The following LTBP1 variants were observed in gnomAD, a reference collection of about 807,000 sequenced individuals.
LTBP1 encodes latent transforming growth factor beta binding protein 1, also known as latent-transforming growth factor beta-binding protein 1.
LTBP1 carries 129 observed loss-of-function variants against 207.6 expected under a neutral mutation model. That is an observed-to-expected ratio of 0.62 (90% confidence interval 0.54 to 0.72). The LOEUF is 0.72. Ranked by LOEUF, LTBP1 falls within the 30% of genes least tolerant of loss-of-function variation. LTBP1 has a pLI of 0.00. For missense variants in LTBP1, 2,281 were observed against 2,217.2 expected (o/e 1.03, Z -0.58); for synonymous variants, 963 against 833.7 (o/e 1.16, Z -2.67).
chr2:33,240,645 C>CTTTTTTTTTTTTTTTTTTTTTTTTT, intron 9 of LTBP1, among the ~76,000 whole-genome samples: 1 of 100,818 alleles, frequency 9.9e-6, no homozygotes. Context: ...TGGAAACATT[C>CTTTTTTTTTTTTTTTTTTTTTTTTT]TTTTTTTTTT....
At chr2:33,120,805 C>A (rs1200321078) in intron 4 of LTBP1, among the ~76,000 whole-genome samples, 1 of 152,176 alleles carries the variant, frequency 6.6e-6, no homozygotes, top group Admixed American at 6.5e-5. Context: ...TTTATACTCC[C>A]ACCAGCAGTG....
At chr2:33,323,908 G>T (rs1424064424) in intron 24 of LTBP1, among the ~76,000 whole-genome samples, 1 of 152,056 alleles carries the variant, frequency 6.6e-6, no homozygotes, top group East Asian at 1.9e-4. Context: ...AGTTATGCTG[G>T]TGAGTTTGGC....
intron 24 of LTBP1, among the ~76,000 whole-genome samples, chr2:33,339,175 G>A (rs1376853841): frequency 1.3e-5 from 2 of 152,080 alleles, no homozygotes; most frequent in East Asian, 3.9e-4. Context: ...TAAGATTTCT[G>A]GCTTGGGTGA....
chr2:32,972,066 G>GT (rs1347157996), intron 2 of LTBP1, among the ~76,000 whole-genome samples: 1 of 148,896 alleles, frequency 6.7e-6, no homozygotes, highest in African/African-American at 2.5e-5. Context: ...TTTCTTGTAG[G>GT]TTTTCTAGTT....
intron 24 of LTBP1, among the ~76,000 whole-genome samples, chr2:33,333,425 T>C (rs2094519685): frequency 6.6e-6 from 1 of 152,176 alleles, no homozygotes; most frequent in South Asian, 2.1e-4. Flanking sequence ...TTATAATAGC[T>C]CAGGCCACAC....
intron 31 of LTBP1, among the ~76,000 whole-genome samples, chr2:33,385,497 A>G (rs1043321694): frequency 1.3e-5 from 2 of 152,228 alleles, no homozygotes; most frequent in African/African-American, 4.8e-5. Context: ...TGATGCTTCA[A>G]ATTTTTAAAA....
intron 13 of LTBP1, 115 bp from the exon 14 acceptor site, chr2:33,262,607 C>G: frequency 4.9e-6 from 2 of 406,550 alleles, no homozygotes; most frequent in Admixed American, 8.4e-5. Flanking sequence ...TATTTCTTTG[C>G]CTTTCTAAGA....
chr2:33,235,344 A>G (rs2091990059), intron 9 of LTBP1, among the ~76,000 whole-genome samples: 1 of 152,226 alleles, frequency 6.6e-6, no homozygotes, highest in Non-Finnish European at 1.5e-5. Flanking sequence ...TCAAAACCAC[A>G]ATGAGATACC....
intron 2 of LTBP1, among the ~76,000 whole-genome samples, chr2:33,007,478 T>C (rs1023425318): frequency 6.6e-6 from 1 of 152,246 alleles, no homozygotes; most frequent in Non-Finnish European, 1.5e-5. Flanking sequence ...TTTGGAAATA[T>C]GAGCCTTGAG....
intron 32 of LTBP1, among the ~76,000 whole-genome samples, chr2:33,393,117 G>A (rs1173864416): frequency 6.6e-6 from 1 of 151,858 alleles, no homozygotes; most frequent in East Asian, 1.9e-4. Flanking sequence ...CATGTCATGG[G>A]GGTTAGTGGT....
In LTBP1 at chr2:32,984,934, A is replaced by G. The variant is rs979772046; in HGVS notation, c.566-35975A>G. ...CGAGAAGAGTGAGACTCTGTTTCAA[A>G]AAAACAAAACAAAACAAAACAAAAC... On this transcript the variant is annotated intron_variant, in intron 2 of 33. Coordinates refer to ENST00000404816, the MANE Select transcript of LTBP1 (RefSeq NM_206943.4). Among the ~76,000 whole-genome samples, 12 of 150,616 alleles carry G rather than the reference A, an allele frequency of 8.0e-5. No individual in the cohort carries two copies. In the East Asian group the frequency reaches 1.0e-3, roughly 13 times the overall value.
intron 11 of LTBP1, among the ~76,000 whole-genome samples, chr2:33,254,852 G>GTTTTTTGTTTTTTTTTTTTTT (rs2092794817): frequency 9.6e-5 from 1 of 10,366 alleles, no homozygotes; most frequent in Admixed American, 1.7e-3. Flanking sequence ...GCGGTGTTTG[G>GTTTTTTGTTTTTTTTTTTTTT]TTTTTTTTTT....
In LTBP1 at chr2:33,110,591, T is replaced by C. The variant is rs1572679957; in HGVS notation, c.873T>C (p.Pro291=). The change falls in exon 4 of 34, where the codon CCT becomes CCC. Residue 291 remains proline, a synonymous_variant. Transcript: ENST00000404816. ...TTTTGTTTCTTCCCAGAGTGACTCC[T>C]CTTTCTTCCCAGAGTGTGGTGATTC... ...LPQQIHSQVT[P]LSSQSVVIHH... 1.9e-6 allele frequency: 3 copies of C among 1,613,192 alleles called. No individual in the cohort carries two copies. In the East Asian group the frequency reaches 6.7e-5, roughly 36 times the overall value.
chr2:33,066,275 G>T (rs2077504731), intron 3 of LTBP1, among the ~76,000 whole-genome samples: 1 of 152,078 alleles, frequency 6.6e-6, no homozygotes, highest in South Asian at 2.1e-4. Flanking sequence ...TTTATATGTT[G>T]TCTATAGCTG....
chr2:33,148,724 C>T (rs1351247535), intron 5 of LTBP1, among the ~76,000 whole-genome samples: 4 of 152,210 alleles, frequency 2.6e-5, no homozygotes, highest in Non-Finnish European at 2.9e-5. Context: ...ATATTTGGTT[C>T]ACACTCATAA....
At chr2:33,055,467 T>C (rs7586138) in intron 3 of LTBP1, among the ~76,000 whole-genome samples, 14,772 of 152,244 alleles carry the variant, frequency 0.097, 956 homozygotes, top group Non-Finnish European at 0.14. Flanking sequence ...CCCCATGATC[T>C]GAGTCAAGGT....
rs1463027457 is a variant in LTBP1, at chr2:33,228,702, T to C, written c.1876+6551T>C. Among the ~76,000 whole-genome samples the C allele has an allele frequency of 6.4e-5, 8 of 125,500 alleles. 2 individuals carry two copies. Among genetic ancestry groups the C allele is most frequent in the East Asian group, 4.2e-4 (2 of 4,710 alleles). The allele number at this position is 125,500 out of a possible 152,430, so 82.3% of individuals were successfully genotyped here. A position where few individuals can be genotyped will look rare whatever the true frequency, so the allele number is the denominator to read the frequency against. ...AGCCCAACCAGGGTTATACCCTTTT[T>C]TTTTTTTTTTTTTTTTGAGATGGAG... On this transcript the variant is annotated intron_variant, in intron 9 of 33. Coordinates refer to ENST00000404816, the MANE Select transcript of LTBP1 (RefSeq NM_206943.4).
chr2:33,167,702 A>G (rs1465377511), intron 5 of LTBP1, among the ~76,000 whole-genome samples: 1 of 152,242 alleles, frequency 6.6e-6, no homozygotes, highest in Non-Finnish European at 1.5e-5. Flanking sequence ...AAGAGGAAAG[A>G]GGCTGTATAC....
At chr2:33,060,375 G>T (rs1483451194) in intron 3 of LTBP1, among the ~76,000 whole-genome samples, 2 of 152,048 alleles carry the variant, frequency 1.3e-5, no homozygotes, top group Non-Finnish European at 2.9e-5. Context: ...TATCTCTAGG[G>T]GTATTTGCAT....
Sources: allele counts gnomAD v4.1 joint callset (sites outside exome capture counted in the v4.1 genomes callset), GRCh38; gene constraint gnomAD v4.1.1; transcripts MANE v1.5; gene names NCBI Gene and HGNC (gene_info 2026-07-23, HGNC 2026-07-21).